Variants in PPP2R2C observed in about 807,000 individuals in gnomAD.
PPP2R2C encodes protein phosphatase 2, regulatory subunit B, gamma.
A neutral mutation model predicts 45.3 loss-of-function variants in PPP2R2C; 10 were observed. The ratio of observed to expected loss-of-function variants is 0.22; its 90% confidence interval spans 0.14 to 0.37. The LOEUF (loss-of-function observed/expected upper bound fraction) is 0.37, where lower values mean the gene tolerates loss of function less well. PPP2R2C is among the 10% of genes least tolerant of loss of function. The pLI is 1.00. For missense variants in PPP2R2C, 308 were observed against 619.7 expected (o/e 0.50, Z 5.34); for synonymous variants, 257 against 245.4 (o/e 1.05, Z -0.44).
At chr4:6,483,302 C>T (rs1192436081) in intron 2 of PPP2R2C, among the ~76,000 whole-genome samples, 1 of 152,066 alleles carries the variant, frequency 6.6e-6, no homozygotes, top group Non-Finnish European at 1.5e-5. Context: ...AGAACTTCCA[C>T]TTTTTATGTT....
rs115670522 is a variant in PPP2R2C at position 6,360,907 on chromosome 4, G to A, written c.625+11616C>T. On this transcript the variant is annotated intron_variant, in intron 5 of 8. Coordinates refer to ENST00000382599, the MANE Select transcript of PPP2R2C (RefSeq NM_020416.4). ...TTGAAGGTGACTGCCTTCTCCTTGTGTCCTCACATTCTTATTCCTGCATCT... is the reference window on the plus strand; with the variant it reads ...TTGAAGGTGACTGCCTTCTCCTTGTATCCTCACATTCTTATTCCTGCATCT... Among the ~76,000 whole-genome samples the A allele has an allele frequency of 1.8e-3, 281 of 152,258 alleles. 2 individuals carry two copies. Among genetic ancestry groups the A allele is most frequent in the African/African-American group, 5.9e-3 (247 of 41,546 alleles).
intron 2 of PPP2R2C, among the ~76,000 whole-genome samples, chr4:6,500,934 A>C (rs1440532895): frequency 6.6e-6 from 1 of 152,260 alleles, no homozygotes; most frequent in Non-Finnish European, 1.5e-5. Flanking sequence ...CGCACGGCAC[A>C]CATCCACACA....
chr4:6,379,483 T>C (rs1354480329), intron 2 of PPP2R2C, among the ~76,000 whole-genome samples: 1 of 152,262 alleles, frequency 6.6e-6, no homozygotes, highest in Non-Finnish European at 1.5e-5. Flanking sequence ...TTTTTGCCTC[T>C]AATTCACTTC....
intron 1 of PPP2R2C, among the ~76,000 whole-genome samples, chr4:6,461,328 T>C (rs772284478): frequency 6.6e-6 from 1 of 152,206 alleles, no homozygotes; most frequent in Non-Finnish European, 1.5e-5. Context: ...TGGGGTCATG[T>C]GGCAAAGATG....
At chr4:6,374,425 C>T (rs933942381) in intron 4 of PPP2R2C, among the ~76,000 whole-genome samples, 4 of 152,092 alleles carry the variant, frequency 2.6e-5, no homozygotes, top group Non-Finnish European at 5.9e-5. Flanking sequence ...ATGCTGCCTC[C>T]GCAGAAGCCA....
intron 3 of PPP2R2C, among the ~76,000 whole-genome samples, chr4:6,376,731 G>T (rs1406821960): frequency 6.6e-6 from 1 of 152,188 alleles, no homozygotes; most frequent in Non-Finnish European, 1.5e-5. Context: ...TGAGATTACA[G>T]GCATGAGCCA....
intron 2 of PPP2R2C, among the ~76,000 whole-genome samples, chr4:6,379,203 C>T (rs1465096455): frequency 6.6e-6 from 1 of 152,144 alleles, no homozygotes; most frequent in African/African-American, 2.4e-5. Flanking sequence ...CTTTCCTCAG[C>T]AGTGCTTGGC....
At chr4:6,402,860 AGT>A (rs961141157) in intron 1 of PPP2R2C, among the ~76,000 whole-genome samples, 3 of 152,148 alleles carry the variant, frequency 2.0e-5, no homozygotes, top group African/African-American at 7.2e-5. Context: ...TCCCATGGAG[AGT>A]GGTGGCAGAG....
chr4:6,390,132 C>T (rs756392903), intron 1 of PPP2R2C, among the ~76,000 whole-genome samples: 36 of 152,288 alleles, frequency 2.4e-4, no homozygotes, highest in African/African-American at 6.7e-4. Flanking sequence ...TTTACCTCCA[C>T]GTACTTCCAG....
chr4:6,424,913 G>T (rs1383932628), intron 1 of PPP2R2C, among the ~76,000 whole-genome samples: 1 of 152,188 alleles, frequency 6.6e-6, no homozygotes, highest in South Asian at 2.1e-4. Flanking sequence ...CTGCCCAGCT[G>T]TGTGGCCACA....
intron 1 of PPP2R2C, among the ~76,000 whole-genome samples, chr4:6,418,609 G>A (rs542148869): frequency 6.6e-6 from 1 of 152,236 alleles, no homozygotes; most frequent in South Asian, 2.1e-4. Context: ...CCCCCACATA[G>A]GCTGAGCTGC....
chr4:6,428,549 G>T (rs907444465), intron 1 of PPP2R2C, among the ~76,000 whole-genome samples: 1 of 152,238 alleles, frequency 6.6e-6, no homozygotes, highest in African/African-American at 2.4e-5. Context: ...AGCATTAGGG[G>T]CCAGGGCCTC....
intron 1 of PPP2R2C, among the ~76,000 whole-genome samples, chr4:6,432,938 G>A (rs1353911364): frequency 1.3e-5 from 2 of 152,062 alleles, no homozygotes; most frequent in East Asian, 1.9e-4. Flanking sequence ...TGAAGACAAC[G>A]AGGATAAAGA....
chr4:6,499,311 G>A (rs1007286354), intron 2 of PPP2R2C, among the ~76,000 whole-genome samples: 1 of 152,188 alleles, frequency 6.6e-6, no homozygotes, highest in Non-Finnish European at 1.5e-5. Flanking sequence ...AGATAGGCAT[G>A]AAGTACATTC....
intron 2 of PPP2R2C, among the ~76,000 whole-genome samples, chr4:6,511,816 G>A (rs866720190): frequency 4.2e-5 from 1 of 23,770 alleles, no homozygotes. Flanking sequence ...GTTGGTGGTG[G>A]TGATGGTGGT....
intron 5 of PPP2R2C, chr4:6,349,598 TG>T: frequency 1.0e-6 from 1 of 985,282 alleles, no homozygotes; most frequent in African/African-American, 1.7e-5. Flanking sequence ...CCCAGCACTT[TG>T]GGAGGCCGAG....
chr4:6,455,675 C>G (rs1720985468), intron 1 of PPP2R2C, among the ~76,000 whole-genome samples: 1 of 152,192 alleles, frequency 6.6e-6, no homozygotes, highest in South Asian at 2.1e-4. Context: ...CTCCCAGAGA[C>G]TTTTGATGAC....
chr4:6,414,175 C>T, intron 1 of PPP2R2C: 1 of 955,738 alleles, frequency 1.0e-6, no homozygotes, highest in East Asian at 3.1e-5. Context: ...ATGCCTTTTT[C>T]CTCCTCCTGG....
intron 1 of PPP2R2C, chr4:6,382,369 G>C: frequency 2.2e-6 from 3 of 1,340,184 alleles, no homozygotes; most frequent in Non-Finnish European, 3.0e-6. Context: ...AGATCTGACC[G>C]TTGCTCCCTG....
Sources: allele counts gnomAD v4.1 joint callset (sites outside exome capture counted in the v4.1 genomes callset), GRCh38; gene constraint gnomAD v4.1.1; transcripts MANE v1.5; gene names NCBI Gene and HGNC (gene_info 2026-07-23, HGNC 2026-07-21).